Variants in FAM193A observed in about 807,000 individuals in gnomAD.
FAM193A encodes the protein family with sequence similarity 193 member A.
FAM193A carries 22 observed loss-of-function variants against 126.5 expected under a neutral mutation model. That is an observed-to-expected ratio of 0.17 (90% CI 0.12 to 0.25). The LOEUF (loss-of-function observed/expected upper bound fraction) is 0.25. Among genes scored for constraint, FAM193A ranks in the 10% least tolerant of loss-of-function variants. The pLI, the probability that FAM193A is intolerant of heterozygous loss-of-function variation, is 1.00. For synonymous variants in FAM193A, 761 were observed against 646.8 expected (o/e 1.18, Z -2.68); for missense variants, 1,675 against 1,672.8 (o/e 1.00, Z -0.02).
rs1744434455 is a variant in FAM193A, at chr4:2,639,781, A to G, written c.1085A>G (p.Asn362Ser). 1.2e-6 allele frequency: 2 copies of G among 1,613,890 alleles called. No individual in the cohort carries two copies. The highest frequency in any genetic ancestry group is 1.7e-5 in the Admixed American group (1 of 59,988). Reference sequence around the variant, plus strand: ...TTCCAAGTGACGTGGGAACTGCATAATAAACACCTGTTTGAAAATCTGGTC... The same window carrying G: ...TTCCAAGTGACGTGGGAACTGCATAGTAAACACCTGTTTGAAAATCTGGTC... ...KKFQVTWELH[N>S]KHLFENLVFS... Residue 362 changes from asparagine to serine, a missense_variant, in exon 6 of 21, where the codon AAT becomes AGT. This residue lies in a region of FAM193A where 1,186 missense variants were observed against 1,109.2 expected (regional missense o/e 1.07). Coordinates refer to ENST00000637812, the MANE Select transcript of FAM193A (RefSeq NM_001366318.2).
rs1744431423 is a variant in FAM193A at position 2,639,754 on chromosome 4, A to G, written c.1058A>G (p.Lys353Arg). ...LGTLENEHLK[K>R]FQVTWELHNK... ...AACCAGGAAAATGAACACTTGAAAAAGTTCCAAGTGACGTGGGAACTGCAT... is the reference window on the plus strand; with the variant it reads ...AACCAGGAAAATGAACACTTGAAAAGGTTCCAAGTGACGTGGGAACTGCAT... Residue 353 changes from lysine (K) to arginine (R), a missense_variant, in exon 6 of 21, where the codon AAG (lysine) becomes AGG (arginine). Lys to Arg is a conservative substitution (Grantham distance 26). This residue lies in a region of FAM193A where 1,186 missense variants were observed against 1,109.2 expected (regional missense o/e 1.07). Coordinates refer to ENST00000637812, the MANE Select transcript of FAM193A (RefSeq NM_001366318.2). The G allele has an allele frequency of 6.2e-7, 1 of 1,612,048 alleles. No homozygotes were observed. The highest frequency in any genetic ancestry group is 2.2e-5 in the East Asian group (1 of 44,854).
At chr4:2,668,576 T>C (rs1365616402) in intron 12 of FAM193A, among the ~76,000 whole-genome samples, 1 of 152,210 alleles carries the variant, frequency 6.6e-6, no homozygotes, top group African/African-American at 2.4e-5. Flanking sequence ...CAGTAAAATA[T>C]ACAAACTTTG....
chr4:2,559,840 C>T (rs986364519), intron 1 of FAM193A, among the ~76,000 whole-genome samples: 2 of 152,222 alleles, frequency 1.3e-5, no homozygotes, highest in African/African-American at 2.4e-5. Flanking sequence ...ACTGCTGTTG[C>T]GGTGCCTGTT....
At chr4:2,703,537 G>T (rs941454623) in intron 19 of FAM193A, among the ~76,000 whole-genome samples, 1 of 151,814 alleles carries the variant, frequency 6.6e-6, no homozygotes, top group East Asian at 2.0e-4. Context: ...GTGAGCCACC[G>T]TGCCCGGACT....
intron 2 of FAM193A, among the ~76,000 whole-genome samples, chr4:2,603,519 C>T (rs1411001345): frequency 3.6e-5 from 5 of 138,714 alleles, no homozygotes; most frequent in African/African-American, 5.5e-5. Flanking sequence ...TGCAGTGGTG[C>T]GATCTCGGCT....
intron 2 of FAM193A, among the ~76,000 whole-genome samples, chr4:2,608,992 G>A (rs1382507078): frequency 2.0e-5 from 3 of 150,388 alleles, no homozygotes; most frequent in Admixed American, 6.7e-5. Context: ...CCGGGTTCAC[G>A]CCATTCTCCT....
chr4:2,572,713 G>A (rs1272415333), intron 1 of FAM193A, among the ~76,000 whole-genome samples: 1 of 151,918 alleles, frequency 6.6e-6, no homozygotes, highest in East Asian at 1.9e-4. Flanking sequence ...GGGCTGGGGC[G>A]AGGATTTTGG....
chr4:2,623,626 A>G (rs1286331656), intron 2 of FAM193A, among the ~76,000 whole-genome samples: 2 of 152,156 alleles, frequency 1.3e-5, no homozygotes, highest in African/African-American at 4.8e-5. Flanking sequence ...GCTCAGCAGC[A>G]GACTGGGGTA....
rs1031912325 is a variant in FAM193A at position 2,596,287 on chromosome 4, C to T, written c.459C>T (p.Thr153=). The change falls in exon 2 of 21, where the codon ACC becomes ACT. Residue 153 remains threonine, a synonymous_variant. Coordinates refer to ENST00000637812, the MANE Select transcript of FAM193A (RefSeq NM_001366318.2). ...PLWVCPDCRR[T]VEKEERHGGL... ...GGGTGTGCCCGGACTGCCGCAGGAC[C>T]GTGGAGAAGGAGGAGAGGCATGGCG... 17 of 702,810 alleles carry T rather than the reference C, an allele frequency of 2.4e-5. No individual in the cohort carries two copies. Among genetic ancestry groups the T allele is most frequent in the South Asian group, 4.4e-5 (3 of 67,606 alleles). The allele number at this position is 702,810 out of a possible 1,614,324, so 43.5% of individuals were successfully genotyped here.
intron 6 of FAM193A, among the ~76,000 whole-genome samples, chr4:2,646,326 C>T (rs1231315955): frequency 6.6e-6 from 1 of 151,952 alleles, no homozygotes; most frequent in African/African-American, 2.4e-5. Context: ...CCTGCCACCA[C>T]ACCCGGCTAA....
chr4:2,608,424 C>T (rs1359717185), intron 2 of FAM193A, among the ~76,000 whole-genome samples: 1 of 152,200 alleles, frequency 6.6e-6, no homozygotes, highest in Non-Finnish European at 1.5e-5. Flanking sequence ...ATCAGTCTCC[C>T]TCTGTCGCCC....
chr4:2,536,316 C>A (rs1736868564), upstream of FAM193A, among the ~76,000 whole-genome samples: 1 of 151,662 alleles, frequency 6.6e-6, no homozygotes, highest in South Asian at 2.1e-4. Context: ...GCGGCGCGGG[C>A]GGGACCTGCG....
At chr4:2,594,942 C>A (rs1157703443) in intron 1 of FAM193A, among the ~76,000 whole-genome samples, 1 of 148,034 alleles carries the variant, frequency 6.8e-6, no homozygotes, top group Non-Finnish European at 1.5e-5. Context: ...GATTCTCCTG[C>A]GTCAGCCTCC....
chr4:2,576,126 C>G (rs1014771381), intron 1 of FAM193A, among the ~76,000 whole-genome samples: 1 of 151,900 alleles, frequency 6.6e-6, no homozygotes, highest in African/African-American at 2.4e-5. Flanking sequence ...AGATGGAGTC[C>G]CACATTGTCG....
chr4:2,602,265 C>T (rs958928032), intron 2 of FAM193A, among the ~76,000 whole-genome samples: 6 of 151,358 alleles, frequency 4.0e-5, no homozygotes, highest in Non-Finnish European at 5.9e-5. Context: ...AGTTAGTTTC[C>T]TCTGGCTCTC....
At chr4:2,585,887 C>T (rs1260818124) in intron 1 of FAM193A, among the ~76,000 whole-genome samples, 1 of 152,126 alleles carries the variant, frequency 6.6e-6, no homozygotes. Context: ...CAAGATTGTG[C>T]TACTGCACAC....
chr4:2,643,264 G>A (rs1038458023), intron 6 of FAM193A, among the ~76,000 whole-genome samples: 1 of 152,050 alleles, frequency 6.6e-6, no homozygotes, highest in Non-Finnish European at 1.5e-5. Context: ...GTACAGATAC[G>A]CATTTAACAA....
At chr4:2,710,500 CTTTTTTA>C (rs1362697193) in intron 19 of FAM193A, among the ~76,000 whole-genome samples, 1 of 149,396 alleles carries the variant, frequency 6.7e-6, no homozygotes, top group Non-Finnish European at 1.5e-5. Flanking sequence ...TCCTTTCTTT[CTTTTTTA>C]TTTTTTATTT....
At chr4:2,684,157 G>T (rs756525729) in intron 13 of FAM193A, among the ~76,000 whole-genome samples, 5 of 152,178 alleles carry the variant, frequency 3.3e-5, no homozygotes, top group Non-Finnish European at 5.9e-5. Context: ...CAACCATTCA[G>T]TTGTCTCTCT....
Sources: allele counts gnomAD v4.1 joint callset (sites outside exome capture counted in the v4.1 genomes callset), GRCh38; gene constraint gnomAD v4.1.1; regional missense constraint gnomAD v4.1.1; transcripts MANE v1.5; gene names NCBI Gene and HGNC (gene_info 2026-07-23, HGNC 2026-07-21).